Variants in CGNL1 observed in about 807,000 individuals in gnomAD.
The protein encoded by CGNL1 is cingulin-like protein 1.
A neutral mutation model predicts 141.2 loss-of-function variants in CGNL1; 132 were observed. The observed-to-expected ratio is 0.93, with a 90% confidence interval of 0.81 to 1.08. The LOEUF is 1.08. Among genes scored for constraint, CGNL1 ranks in the 50% least tolerant of loss-of-function variants. CGNL1 has a pLI of 0.00. For synonymous variants in CGNL1, 690 were observed against 622.1 expected (o/e 1.11, Z -1.63); for missense variants, 1,870 against 1,588.6 (o/e 1.18, Z -3.01).
chr15:57,430,175 ACAGT>A (rs2063027761), intron 1 of CGNL1, among the ~76,000 whole-genome samples: 1 of 152,226 alleles, frequency 6.6e-6, no homozygotes, highest in African/African-American at 2.4e-5. Context: ...GTCATCACTG[ACAGT>A]CTGACTTTAG....
chr15:57,495,452 T>C (rs1459869076), intron 8 of CGNL1, among the ~76,000 whole-genome samples: 1 of 152,220 alleles, frequency 6.6e-6, no homozygotes, highest in Non-Finnish European at 1.5e-5. Flanking sequence ...AGCTTGTTTC[T>C]TTAAAATCAA....
chr15:57,468,268 T>C (rs1318010732), intron 8 of CGNL1, among the ~76,000 whole-genome samples: 1 of 135,630 alleles, frequency 7.4e-6, no homozygotes, highest in African/African-American at 2.8e-5. Context: ...TGAGACAGAG[T>C]CTGGCTCTGT....
chr15:57,436,447 A>G (rs2063106685), intron 1 of CGNL1, among the ~76,000 whole-genome samples: 1 of 152,218 alleles, frequency 6.6e-6, no homozygotes, highest in South Asian at 2.1e-4. Context: ...AAGACAGATG[A>G]GTGGAAAGAT....
rs1305864747 is a variant in CGNL1, at chr15:57,439,192, A to G, written c.1193A>G (p.Gln398Arg). ...GATAGCGCCTTTCCTTTTGGCCTCC[A>G]AGGGAACTCGGAGTACCTGATTGAA... ...SVDSAFPFGL[Q>R]GNSEYLIEFS... The change falls in exon 2 of 19, where the codon CAA becomes CGA. Residue 398 changes from glutamine to arginine, a missense_variant. Gln to Arg is a conservative substitution (Grantham distance 43). Coordinates refer to ENST00000281282, the MANE Select transcript of CGNL1 (RefSeq NM_032866.5). 2 of 1,614,204 alleles carry G rather than the reference A, an allele frequency of 1.2e-6. No homozygotes were observed. The highest frequency in any genetic ancestry group is 1.7e-6 in the Non-Finnish European group (2 of 1,180,028).
At position 57,548,070 on chromosome 15, in the gene CGNL1, T is replaced by G. The variant is rs561230996; in HGVS notation, c.*580T>G. 1.3e-5 allele frequency: 2 copies of G among 151,604 alleles called. No individual in the cohort carries two copies. Among genetic ancestry groups the G allele is most frequent in the African/African-American group, 4.9e-5 (2 of 41,164 alleles). 9.4% of individuals were successfully genotyped at this position (151,604 alleles called of 1,614,324 possible). A position where few individuals can be genotyped will look rare whatever the true frequency, so the allele number is the denominator to read the frequency against. On this transcript the variant is annotated 3_prime_UTR_variant, in exon 19 of 19. Transcript: ENST00000281282. ...AGGCTGGAGTGCAATGGCGCAACCTTGGCTCACTGCAACCTCTGCCTCCCT... is the reference window on the plus strand; with the variant it reads ...AGGCTGGAGTGCAATGGCGCAACCTGGGCTCACTGCAACCTCTGCCTCCCT...
rs546937390 is a variant in CGNL1 at position 57,541,306 on chromosome 15, C to T, written c.3292-2390C>T. Among the ~76,000 whole-genome samples, 19 of 152,362 alleles carry T rather than the reference C, an allele frequency of 1.2e-4. No individual in the cohort carries two copies. In the South Asian group the frequency reaches 3.1e-3, roughly 25 times the overall value. On this transcript the variant is annotated intron_variant, in intron 14 of 18. Coordinates refer to ENST00000281282, the MANE Select transcript of CGNL1 (RefSeq NM_032866.5). ...CCCTGCCCTGGGCACATGAACAGAA[C>T]GGCTGCCCCTGGGAGGCACGTCTGT...
chr15:57,517,238 A>G (rs1401080542), intron 9 of CGNL1, among the ~76,000 whole-genome samples: 3 of 152,234 alleles, frequency 2.0e-5, no homozygotes, highest in Admixed American at 6.5e-5. Flanking sequence ...ACACACCCAG[A>G]TACCAGACAT....
At chr15:57,545,047 G>T (rs1241077026) in intron 16 of CGNL1, among the ~76,000 whole-genome samples, 1 of 152,148 alleles carries the variant, frequency 6.6e-6, no homozygotes, top group African/African-American at 2.4e-5. Flanking sequence ...GTGTGGGAGG[G>T]ACATGGGATC....
chr15:57,440,315 T>C, intron 2 of CGNL1, 62 bp from the exon 3 acceptor site: 1 of 1,177,660 alleles, frequency 8.5e-7, no homozygotes, highest in Non-Finnish European at 1.2e-6. Flanking sequence ...AGGAATTGTT[T>C]GGTGTTTGGA....
chr15:57,447,836 G>GTT (rs1451986925), intron 4 of CGNL1, among the ~76,000 whole-genome samples: 9 of 136,620 alleles, frequency 6.6e-5, no homozygotes, highest in Admixed American at 1.4e-4. Flanking sequence ...GTGTGTGTGT[G>GTT]TGTGTGTGTA....
chr15:57,435,447 CAGG>C (rs2063095435), intron 1 of CGNL1, among the ~76,000 whole-genome samples: 1 of 140,292 alleles, frequency 7.1e-6, no homozygotes. Flanking sequence ...GCAGTGTGTT[CAGG>C]ATCAGGGAAG....
intron 15 of CGNL1, 25 bp from the exon 16 acceptor site, chr15:57,544,448 T>A (rs2032740717): frequency 6.2e-7 from 1 of 1,613,674 alleles, no homozygotes. Context: ...ACATAGCCCC[T>A]CACAGTCTCC....
At chr15:57,461,974 T>G in intron 8 of CGNL1, 82 bp downstream of exon 8, 3 of 1,002,542 alleles carry the variant, frequency 3.0e-6, no homozygotes, top group Non-Finnish European at 4.7e-6. Flanking sequence ...CAAATCCCCT[T>G]CATTCCTTTT....
intron 10 of CGNL1, among the ~76,000 whole-genome samples, chr15:57,520,273 A>G (rs1312919334): frequency 6.6e-6 from 1 of 152,230 alleles, no homozygotes; most frequent in Admixed American, 6.5e-5. Context: ...TGGAAACCAG[A>G]TAGTCAGCTC....
chr15:57,501,097 G>A (rs1007220216), intron 8 of CGNL1, among the ~76,000 whole-genome samples: 2 of 152,152 alleles, frequency 1.3e-5, no homozygotes, highest in Non-Finnish European at 1.5e-5. Context: ...GATTAATTCA[G>A]TAACCTTGGA....
In CGNL1 at chr15:57,452,048, A is replaced by C. The variant is rs1240171542; in HGVS notation, c.1906-93A>C. ...TAAGTTGTTTAATAATGTAAGTGCA[A>C]AGATATGGAGTCTGCTTGTTGAGAA... On this transcript the variant is annotated intron_variant, in intron 5 of 18. Transcript: ENST00000281282. 2.6e-5 allele frequency: 29 copies of C among 1,109,256 alleles called. No individual in the cohort carries two copies. In the East Asian group the frequency reaches 6.8e-4, roughly 26 times the overall value. The allele number at this position is 1,109,256 out of a possible 1,614,324, so 68.7% of individuals were successfully genotyped here.
chr15:57,381,795 G>A (rs1204337366), intron 1 of CGNL1, among the ~76,000 whole-genome samples: 2 of 151,878 alleles, frequency 1.3e-5, no homozygotes, highest in Non-Finnish European at 2.9e-5. Context: ...TTTCCTCTAC[G>A]TGAGGTAGAG....
intron 15 of CGNL1, among the ~76,000 whole-genome samples, chr15:57,544,252 G>A (rs1435004912): frequency 2.0e-5 from 3 of 152,240 alleles, no homozygotes; most frequent in Admixed American, 6.5e-5. Context: ...GGCTTATGAG[G>A]GAGTGTGATA....
chr15:57,400,105 T>C (rs1045484499), intron 1 of CGNL1, among the ~76,000 whole-genome samples: 4 of 151,930 alleles, frequency 2.6e-5, no homozygotes, highest in African/African-American at 9.7e-5. Flanking sequence ...GTGATCTTCC[T>C]ACCTAAGCCT....
Sources: allele counts gnomAD v4.1 joint callset (sites outside exome capture counted in the v4.1 genomes callset), GRCh38; gene constraint gnomAD v4.1.1; transcripts MANE v1.5; gene names NCBI Gene and HGNC (gene_info 2026-07-23, HGNC 2026-07-21).